ATP6V1E2: variants seen among roughly 807,000 people sequenced by gnomAD.
ATP6V1E2 encodes ATPase H+ transporting V1 subunit E2.
For missense variants in ATP6V1E2, 308 were observed against 273.3 expected (o/e 1.13, Z -0.90); for synonymous variants, 121 against 104.2 (o/e 1.16, Z -0.98).
rs565262743 is a variant in ATP6V1E2 at position 46,528,973 on chromosome 2, G to A, written c.-102+6840C>T. On this transcript the variant is annotated intron_variant, in intron 4 of 4. Coordinates refer to ENST00000522587, the MANE Select transcript of ATP6V1E2 (RefSeq NM_001318063.2). ...TTCCTAGAACCATACTCCTAGAGCTGCCTATGGAGAAGTTGGCCCAGGCTG... is the reference window on the plus strand; with the variant it reads ...TTCCTAGAACCATACTCCTAGAGCTACCTATGGAGAAGTTGGCCCAGGCTG... 3.0e-4 allele frequency among the ~76,000 whole-genome samples: 45 copies of A among 152,294 alleles called. No individual in the cohort carries two copies. The South Asian group carries it at 9.1e-3, about 31-fold the overall frequency.
At chr2:46,513,418 A>G (rs954792852) in intron 4 of ATP6V1E2, among the ~76,000 whole-genome samples, 2 of 152,194 alleles carry the variant, frequency 1.3e-5, no homozygotes, top group Non-Finnish European at 2.9e-5. Context: ...TGTTCTGCAT[A>G]TATGTCTGTA....
intron 2 of ATP6V1E2, among the ~76,000 whole-genome samples, chr2:46,539,865 G>A (rs1166757002): frequency 6.6e-6 from 1 of 152,120 alleles, no homozygotes; most frequent in Non-Finnish European, 1.5e-5. Flanking sequence ...TGTACTAATT[G>A]CCTCCTCTGC....
At chr2:46,522,088 G>A (rs952507365) in intron 4 of ATP6V1E2, among the ~76,000 whole-genome samples, 1 of 151,998 alleles carries the variant, frequency 6.6e-6, no homozygotes, top group Non-Finnish European at 1.5e-5. Flanking sequence ...GAGCCCAGGA[G>A]TTCACAGTGG....
chr2:46,532,955 G>A (rs1335159494), intron 4 of ATP6V1E2, among the ~76,000 whole-genome samples: 1 of 151,692 alleles, frequency 6.6e-6, no homozygotes, highest in Non-Finnish European at 1.5e-5. Flanking sequence ...TTCTATTTCT[G>A]TTTTTCTATC....
intron 4 of ATP6V1E2, among the ~76,000 whole-genome samples, chr2:46,522,982 T>C (rs1666715690): frequency 6.6e-6 from 1 of 152,224 alleles, no homozygotes; most frequent in Non-Finnish European, 1.5e-5. Context: ...TTGCATTTCT[T>C]TGAAGATCAG....
rs183405788 is a variant in ATP6V1E2, at chr2:46,512,067, C to T, written c.645G>A (p.Leu215=). 7.4e-6 allele frequency: 12 copies of T among 1,611,306 alleles called. No individual in the cohort carries two copies. Among genetic ancestry groups the T allele is most frequent in the East Asian group, 6.7e-5 (3 of 44,894 alleles). Residue 215 remains leucine, a synonymous_variant, in exon 5 of 5, where the codon TTG becomes TTA. Transcript: ENST00000522587. ...KQKMPEIRMA[L]FGANTNRKFF... ...ACTTTCTGTTGGTGTTAGCACCAAACAAGGCCATTCGTATTTCTGGCATCT... is the reference window on the plus strand; with the variant it reads ...ACTTTCTGTTGGTGTTAGCACCAAATAAGGCCATTCGTATTTCTGGCATCT...
At chr2:46,515,524 G>T (rs527497886) in intron 4 of ATP6V1E2, among the ~76,000 whole-genome samples, 6 of 152,170 alleles carry the variant, frequency 3.9e-5, no homozygotes, top group Non-Finnish European at 7.4e-5. Context: ...AATGTGAAAA[G>T]AATTGAAGTA....
Position 46,540,613 on chromosome 2 carries a change from CTTTTTTTT to C in ATP6V1E2, c.-310+769_-310+776del, listed in dbSNP as rs59810518. ...TGAAATTTGAGAGCTTTTTCTGTAA[CTTTTTTTT>C]TTTTTTTTTTTTTTTTTTTACCACT... On this transcript the variant is annotated intron_variant, in intron 2 of 4. Transcript: ENST00000522587. 2.0e-3 allele frequency among the ~76,000 whole-genome samples: 236 copies of C among 115,658 alleles called. 3 individuals are homozygous for C. Among genetic ancestry groups the C allele is most frequent in the Non-Finnish European group, 2.7e-3 (148 of 55,654 alleles). The allele number at this position is 115,658 out of a possible 152,430, so 75.9% of individuals were successfully genotyped here.
intron 4 of ATP6V1E2, among the ~76,000 whole-genome samples, chr2:46,529,981 G>C (rs116022724): frequency 6.6e-6 from 1 of 152,020 alleles, no homozygotes. Flanking sequence ...AAATGTTTTC[G>C]AACCAGAAAG....
In ATP6V1E2 at chr2:46,512,808, C is replaced by G; in HGVS notation, c.-97G>C. ...AGGAGTGTCTCTGGAGTTCCACTTT[C>G]TCAGCTATACCAGTGAACAAGAGGA... On this transcript the variant is annotated 5_prime_UTR_variant, in exon 5 of 5. Coordinates refer to ENST00000522587, the MANE Select transcript of ATP6V1E2 (RefSeq NM_001318063.2). The G allele has an allele frequency of 9.6e-7, 1 of 1,044,864 alleles. No individual in the cohort carries two copies. The highest frequency in any genetic ancestry group is 2.5e-5 in the East Asian group (1 of 39,520). 64.7% of individuals were successfully genotyped at this position (1,044,864 alleles called of 1,614,324 possible). A position where few individuals can be genotyped will look rare whatever the true frequency, so the allele number is the denominator to read the frequency against.
intron 4 of ATP6V1E2, among the ~76,000 whole-genome samples, chr2:46,516,738 A>G (rs1461990427): frequency 2.2e-5 from 1 of 44,488 alleles, no homozygotes; most frequent in African/African-American, 5.9e-5. Flanking sequence ...TAAACTCTAT[A>G]TTAAAAAAAA....
At chr2:46,537,139 C>T (rs1667484634) in intron 2 of ATP6V1E2, among the ~76,000 whole-genome samples, 1 of 152,258 alleles carries the variant, frequency 6.6e-6, no homozygotes, top group South Asian at 2.1e-4. Flanking sequence ...AACGTTGACC[C>T]TTAGGCAATA....
At chr2:46,525,027 G>A (rs1666825388) in intron 4 of ATP6V1E2, among the ~76,000 whole-genome samples, 1 of 152,156 alleles carries the variant, frequency 6.6e-6, no homozygotes, top group Non-Finnish European at 1.5e-5. Flanking sequence ...AAAGCCAGAG[G>A]GAGCCTGTAC....
chr2:46,532,626 T>C (rs779506365), intron 4 of ATP6V1E2, among the ~76,000 whole-genome samples: 15 of 152,194 alleles, frequency 9.9e-5, no homozygotes, highest in Non-Finnish European at 1.8e-4. Flanking sequence ...ATAAAAGGGC[T>C]TAAGAGTTTT....
intron 4 of ATP6V1E2, among the ~76,000 whole-genome samples, chr2:46,516,523 G>A (rs1057246929): frequency 3.9e-5 from 6 of 152,286 alleles, no homozygotes; most frequent in African/African-American, 1.4e-4. Context: ...GAACCTGGTA[G>A]TGCGAGGCTG....
Position 46,535,560 on chromosome 2 carries a change from CAT to C in ATP6V1E2, c.-102+251_-102+252del, listed in dbSNP as rs1454850455. 2.0e-5 allele frequency: 3 copies of C among 152,236 alleles called. No homozygotes were observed. Among genetic ancestry groups the C allele is most frequent in the African/African-American group, 4.8e-5 (2 of 41,450 alleles). The allele number at this position is 152,236 out of a possible 1,614,324, so 9.4% of individuals were successfully genotyped here. A position where few individuals can be genotyped will look rare whatever the true frequency, so the allele number is the denominator to read the frequency against. On this transcript the variant is annotated intron_variant, in intron 4 of 4. Transcript: ENST00000522587. The surrounding 1 kb of genome is among the most constrained non-coding windows in gnomAD (Gnocchi z 4.4). ...TGCTTTCACCAAACCCTAGACAACT[CAT>C]GTGTACAGTTGTCACTTCTGAACCA... is the stretch of plus-strand genomic sequence containing the variant.
At chr2:46,518,350 AG>A (rs1005874734) in intron 4 of ATP6V1E2, among the ~76,000 whole-genome samples, 1 of 152,038 alleles carries the variant, frequency 6.6e-6, no homozygotes, top group African/African-American at 2.4e-5. Context: ...GGGTGGGGGT[AG>A]GGGAAATGGG....
At chr2:46,533,023 C>T (rs532188892) in intron 4 of ATP6V1E2, among the ~76,000 whole-genome samples, 1 of 151,234 alleles carries the variant, frequency 6.6e-6, no homozygotes, top group East Asian at 1.9e-4. Flanking sequence ...ATGTAATATA[C>T]TGCTATTAGT....
rs557105023 is a variant in ATP6V1E2 at position 46,530,433 on chromosome 2, C to G, written c.-102+5380G>C. ...CTTCTCCAATATTCATTTCAGAGGT[C>G]AAACAGTTTGTCATTTAGGTCTTCA... On this transcript the variant is annotated intron_variant, in intron 4 of 4. Coordinates refer to ENST00000522587, the MANE Select transcript of ATP6V1E2 (RefSeq NM_001318063.2). The surrounding 1 kb of genome is among the most constrained non-coding windows in gnomAD (Gnocchi z 5.2). Among the ~76,000 whole-genome samples the G allele has an allele frequency of 4.3e-4, 66 of 152,272 alleles. No individual in the cohort carries two copies. The highest frequency in any genetic ancestry group is 1.5e-3 in the African/African-American group (61 of 41,538).
Sources: gnomAD v4.1 joint callset for allele counts (sites outside exome capture counted in the v4.1 genomes callset) on GRCh38, gnomAD v4.1.1 for gene constraint, Gnocchi (gnomAD v3.1) non-coding constraint, MANE v1.5 for transcripts, NCBI Gene and HGNC (gene_info 2026-07-23, HGNC 2026-07-21) for gene names.